Variants in ADGRL3 observed in about 807,000 individuals in gnomAD.
The protein encoded by ADGRL3 is adhesion G protein-coupled receptor L3.
In ADGRL3, 62 loss-of-function variants were observed where a neutral mutation model predicts 153.5. That is an observed-to-expected ratio of 0.40 (90% CI 0.33 to 0.50). The LOEUF (loss-of-function observed/expected upper bound fraction) is 0.50. ADGRL3 is among the 20% of genes least tolerant of loss of function. The probability of loss-of-function intolerance (pLI) is 0.47; values close to 1 mark genes in which losing one functional copy is unlikely to be tolerated. For synonymous variants in ADGRL3, 710 were observed against 672.5 expected (o/e 1.06, Z -0.86); for missense variants, 1,641 against 1,859.4 (o/e 0.88, Z 2.16).
intron 9 of ADGRL3, among the ~76,000 whole-genome samples, chr4:61,855,408 G>GA (rs1207054717): frequency 6.6e-6 from 1 of 152,098 alleles, no homozygotes; most frequent in Non-Finnish European, 1.5e-5. Flanking sequence ...GTCAAAGCTA[G>GA]AAAAAACTCT....
intron 4 of ADGRL3, among the ~76,000 whole-genome samples, chr4:61,573,205 G>T (rs1314532449): frequency 6.6e-6 from 1 of 151,844 alleles, no homozygotes; most frequent in Non-Finnish European, 1.5e-5. Context: ...TGTGTATGTC[G>T]CTTATATTGG....
intron 13 of ADGRL3, among the ~76,000 whole-genome samples, chr4:61,917,855 G>A (rs1356486926): frequency 6.6e-6 from 1 of 152,178 alleles, no homozygotes; most frequent in Non-Finnish European, 1.5e-5. Context: ...GGAGGCTAGT[G>A]CAACAGGAAC....
At chr4:61,784,476 G>T (rs541959022) in intron 8 of ADGRL3, among the ~76,000 whole-genome samples, 1 of 152,180 alleles carries the variant, frequency 6.6e-6, no homozygotes, top group South Asian at 2.1e-4. Context: ...CAGATACAAT[G>T]AATCAAACAC....
intron 8 of ADGRL3, among the ~76,000 whole-genome samples, chr4:61,777,029 C>T (rs2097159370): frequency 6.6e-6 from 1 of 152,094 alleles, no homozygotes; most frequent in African/African-American, 2.4e-5. Context: ...CATTTCCTTG[C>T]TTTTGTTTAT....
At chr4:61,364,331 C>CAAA (rs33966342) in intron 1 of ADGRL3, among the ~76,000 whole-genome samples, 9 of 128,126 alleles carry the variant, frequency 7.0e-5, no homozygotes, top group African/African-American at 2.4e-4. Context: ...GACTCCGTCT[C>CAAA]AAAAAAAAAA....
chr4:61,669,141 T>C (rs1025403296), intron 5 of ADGRL3, among the ~76,000 whole-genome samples: 3 of 152,238 alleles, frequency 2.0e-5, no homozygotes, highest in Admixed American at 6.5e-5. Flanking sequence ...AATGTATGGC[T>C]ACAATATATA....
chr4:61,587,869 T>C (rs568390772), intron 5 of ADGRL3, among the ~76,000 whole-genome samples: 5 of 152,198 alleles, frequency 3.3e-5, no homozygotes, highest in African/African-American at 1.2e-4. Context: ...TAATCATTAA[T>C]CAAAATGTAG....
chr4:61,299,189 A>T lies in ADGRL3; in HGVS notation c.-239-83935A>T, dbSNP rs558268386. On this transcript the variant is annotated intron_variant, in intron 1 of 26. Transcript: ENST00000683033. ...CTTTTCTGTGATGTGTCTTTCTTAG[A>T]TTTCAGTGGCATCGTTCAGAACATT... is the stretch of plus-strand genomic sequence containing the variant. Among the ~76,000 whole-genome samples, 8 of 151,584 alleles carry T rather than the reference A, an allele frequency of 5.3e-5. No individual in the cohort carries two copies. In the East Asian group the frequency reaches 1.4e-3, roughly 26 times the overall value.
chr4:61,947,668 G>T (rs1316663358), intron 16 of ADGRL3, among the ~76,000 whole-genome samples: 2 of 152,120 alleles, frequency 1.3e-5, no homozygotes, highest in South Asian at 4.2e-4. Context: ...ACTAGAGATG[G>T]TTCTATATTT....
chr4:61,739,255 A>G (rs2096554383), intron 8 of ADGRL3, among the ~76,000 whole-genome samples: 1 of 152,146 alleles, frequency 6.6e-6, no homozygotes, highest in Non-Finnish European at 1.5e-5. Flanking sequence ...ACTTTGATTC[A>G]TATTGTAATA....
chr4:61,779,099 T>C (rs1009174020), intron 8 of ADGRL3, among the ~76,000 whole-genome samples: 2 of 152,124 alleles, frequency 1.3e-5, no homozygotes, highest in Non-Finnish European at 2.9e-5. Flanking sequence ...ATTAGAATGT[T>C]TTACTACAAT....
chr4:61,508,591 T>A (rs2098444901), intron 3 of ADGRL3, among the ~76,000 whole-genome samples: 1 of 152,192 alleles, frequency 6.6e-6, no homozygotes. Flanking sequence ...ATTTTTATAA[T>A]TTCAACAGTT....
intron 5 of ADGRL3, among the ~76,000 whole-genome samples, chr4:61,619,885 C>CA (rs1363929654): frequency 2.0e-5 from 3 of 152,142 alleles, no homozygotes; most frequent in Non-Finnish European, 4.4e-5. Context: ...GCTAGCTAAG[C>CA]AAAAATGTGC....
At chr4:61,985,676 A>G (rs1367127436) in intron 19 of ADGRL3, among the ~76,000 whole-genome samples, 1 of 152,214 alleles carries the variant, frequency 6.6e-6, no homozygotes, top group African/African-American at 2.4e-5. Context: ...TATTGGGAGC[A>G]TAGTTAAAAC....
intron 8 of ADGRL3, among the ~76,000 whole-genome samples, chr4:61,745,049 C>T (rs946488618): frequency 2.8e-4 from 43 of 152,090 alleles, no homozygotes; most frequent in Non-Finnish European, 1.0e-4. Context: ...AACCAAGACT[C>T]GAGAACTATG....
intron 6 of ADGRL3, among the ~76,000 whole-genome samples, chr4:61,707,708 A>AAGAAGAAG (rs1308574792): frequency 6.6e-6 from 1 of 152,162 alleles, no homozygotes; most frequent in Admixed American, 6.5e-5. Context: ...TAAGCAAATG[A>AAGAAGAAG]AGAAGAAGTA....
At chr4:61,322,698 G>C (rs990526857) in intron 1 of ADGRL3, among the ~76,000 whole-genome samples, 5 of 152,226 alleles carry the variant, frequency 3.3e-5, no homozygotes, top group African/African-American at 1.2e-4. Flanking sequence ...TGATGGAAGA[G>C]ATGTGTTCTC....
At chr4:61,203,050 G>A (rs887362790) in intron 1 of ADGRL3, among the ~76,000 whole-genome samples, 3 of 152,190 alleles carry the variant, frequency 2.0e-5, no homozygotes, top group Non-Finnish European at 2.9e-5. Flanking sequence ...GGCGACATGC[G>A]TGCGGCGCGT....
chr4:61,960,008 T>C (rs1370149246), intron 17 of ADGRL3, among the ~76,000 whole-genome samples: 2 of 152,150 alleles, frequency 1.3e-5, no homozygotes, highest in Admixed American at 1.3e-4. Flanking sequence ...CTACATAACT[T>C]GCATGTTGAG....
Sources: gnomAD v4.1 joint callset for allele counts (sites outside exome capture counted in the v4.1 genomes callset) on GRCh38, gnomAD v4.1.1 for gene constraint, MANE v1.5 for transcripts, NCBI Gene and HGNC (gene_info 2026-07-23, HGNC 2026-07-21) for gene names.